PTPRD: variants seen among roughly 807,000 people sequenced by gnomAD.
PTPRD encodes protein tyrosine phosphatase receptor type D, also known as receptor-type tyrosine-protein phosphatase delta.
In PTPRD, 34 loss-of-function variants were observed where a neutral mutation model predicts 214.5. That is an observed-to-expected ratio of 0.16 (90% CI 0.12 to 0.21). The LOEUF (loss-of-function observed/expected upper bound fraction) is 0.21. Ranked by LOEUF, PTPRD falls within the 10% of genes least tolerant of loss-of-function variation. PTPRD has a pLI of 1.00. For synonymous variants in PTPRD, 1,128 were observed against 845.7 expected (o/e 1.33, Z -5.79); for missense variants, 2,545 against 2,398.7 (o/e 1.06, Z -1.27).
At chr9:10,610,216 T>C (rs1396502209) in intron 2 of PTPRD, among the ~76,000 whole-genome samples, 1 of 152,156 alleles carries the variant, frequency 6.6e-6, no homozygotes, top group East Asian at 1.9e-4. Flanking sequence ...TCTGTTATTA[T>C]ATAGAGACAG....
Position 8,317,953 on chromosome 9 carries a change from C to A in PTPRD, c.5671-11G>T. ...AAACTGATATTGATCCTGCAGGAGA[C>A]AATGAATGGGGAGAAGCAAAAGAAG... On this transcript the variant is annotated splice_polypyrimidine_tract_variant and intron_variant, in intron 45 of 45. Coordinates refer to ENST00000381196, the MANE Select transcript of PTPRD (RefSeq NM_002839.4). 1.2e-6 allele frequency: 2 copies of A among 1,610,716 alleles called. No individual in the cohort carries two copies. Among genetic ancestry groups the A allele is most frequent in the Non-Finnish European group, 1.7e-6 (2 of 1,177,778 alleles).
At chr9:9,880,143 G>A (rs1039832706) in intron 5 of PTPRD, among the ~76,000 whole-genome samples, 1 of 152,126 alleles carries the variant, frequency 6.6e-6, no homozygotes, top group Non-Finnish European at 1.5e-5. Context: ...GAACTCACAA[G>A]ATCTGGTTAA....
At chr9:9,747,046 T>C (rs919235502) in intron 6 of PTPRD, among the ~76,000 whole-genome samples, 2 of 152,178 alleles carry the variant, frequency 1.3e-5, no homozygotes, top group East Asian at 1.9e-4. Context: ...AAGGAAACAA[T>C]AGCAGGAAAT....
rs189335336 is a variant in PTPRD, at chr9:10,158,363, C to A, written c.-544-124573G>T. Among the ~76,000 whole-genome samples the A allele has an allele frequency of 5.9e-5, 9 of 152,236 alleles. No individual in the cohort carries two copies. In the East Asian group the frequency reaches 1.7e-3, roughly 29 times the overall value. Reference sequence around the variant, plus strand: ...ATCTGTCAGCTCTTGTATAGTTTTACCATGTTTAATTTTTAAACATTTAAT... The same window carrying A: ...ATCTGTCAGCTCTTGTATAGTTTTAACATGTTTAATTTTTAAACATTTAAT... On this transcript the variant is annotated intron_variant, in intron 3 of 45. Coordinates refer to ENST00000381196, the MANE Select transcript of PTPRD (RefSeq NM_002839.4).
At chr9:10,594,123 AGT>A (rs1437243124) in intron 2 of PTPRD, among the ~76,000 whole-genome samples, 6 of 151,984 alleles carry the variant, frequency 3.9e-5, no homozygotes, top group Non-Finnish European at 7.4e-5. Flanking sequence ...CTTCCAAATA[AGT>A]TATAGCCTGT....
intron 4 of PTPRD, among the ~76,000 whole-genome samples, chr9:10,006,835 C>T (rs1449960481): frequency 2.0e-5 from 3 of 151,880 alleles, no homozygotes; most frequent in South Asian, 4.1e-4. Context: ...TCCATTCTAT[C>T]TACTGGTGTA....
At chr9:9,747,535 TTTTG>T (rs1426029217) in intron 6 of PTPRD, among the ~76,000 whole-genome samples, 3 of 74,874 alleles carry the variant, frequency 4.0e-5, no homozygotes, top group Non-Finnish European at 7.3e-5. Context: ...ACTGAATCTT[TTTTG>T]TTTTTTTTTT....
chr9:10,313,995 G>A (rs556759402), intron 3 of PTPRD, among the ~76,000 whole-genome samples: 7 of 152,070 alleles, frequency 4.6e-5, no homozygotes, highest in Admixed American at 1.3e-4. Flanking sequence ...AAGCTGTGGA[G>A]ATTTAATAAA....
chr9:8,722,885 A>C (rs1296927279), intron 12 of PTPRD, among the ~76,000 whole-genome samples: 2 of 152,240 alleles, frequency 1.3e-5, no homozygotes, highest in Admixed American at 1.3e-4. Flanking sequence ...TGGTGTTGCA[A>C]GTCTATATCG....
chr9:9,576,454 G>A (rs780574326), intron 7 of PTPRD, among the ~76,000 whole-genome samples: 3 of 151,930 alleles, frequency 2.0e-5, no homozygotes, highest in Non-Finnish European at 4.4e-5. Context: ...CAGGAGCAAG[G>A]ATAGAGATGA....
chr9:9,476,716 C>A (rs2095070517), intron 8 of PTPRD, among the ~76,000 whole-genome samples: 1 of 152,024 alleles, frequency 6.6e-6, no homozygotes, highest in Admixed American at 6.6e-5. Context: ...ACCTAATAAA[C>A]AAAGCACTGA....
At chr9:10,213,649 T>G (rs2099527276) in intron 3 of PTPRD, among the ~76,000 whole-genome samples, 1 of 152,130 alleles carries the variant, frequency 6.6e-6, no homozygotes, top group Non-Finnish European at 1.5e-5. Context: ...CTGATTTTCT[T>G]TATTTCATTT....
At chr9:8,830,004 A>C (rs1453118173) in intron 11 of PTPRD, among the ~76,000 whole-genome samples, 2 of 152,234 alleles carry the variant, frequency 1.3e-5, no homozygotes, top group Admixed American at 1.3e-4. Context: ...TAATACCAGT[A>C]AACAAAATTT....
At chr9:8,704,758 C>CAAAAAAAAAAA (rs569357894) in intron 12 of PTPRD, among the ~76,000 whole-genome samples, 4 of 137,878 alleles carry the variant, frequency 2.9e-5, no homozygotes, top group African/African-American at 1.1e-4. Flanking sequence ...ACTAAAAATA[C>CAAAAAAAAAAA]AAAAAAAAAA....
At chr9:8,493,814 G>C (rs997714796) in intron 26 of PTPRD, among the ~76,000 whole-genome samples, 1 of 152,062 alleles carries the variant, frequency 6.6e-6, no homozygotes, top group Non-Finnish European at 1.5e-5. Flanking sequence ...CTCTTAGTCA[G>C]GGCCCAAAGC....
chr9:10,575,734 T>C (rs1270489722), intron 2 of PTPRD, among the ~76,000 whole-genome samples: 1 of 152,062 alleles, frequency 6.6e-6, no homozygotes, highest in African/African-American at 2.4e-5. Context: ...GCTTGATGTA[T>C]TTTCTTTTCT....
At chr9:9,443,857 G>GT (rs879825883) in intron 8 of PTPRD, among the ~76,000 whole-genome samples, 2 of 152,156 alleles carry the variant, frequency 1.3e-5, no homozygotes, top group Non-Finnish European at 2.9e-5. Flanking sequence ...ACAGTGTATT[G>GT]TTACACAGCA....
At chr9:9,459,762 C>T (rs79440165) in intron 8 of PTPRD, among the ~76,000 whole-genome samples, 1 of 151,992 alleles carries the variant, frequency 6.6e-6, no homozygotes, top group Non-Finnish European at 1.5e-5. Flanking sequence ...TAAAATGACC[C>T]TACTTTCTTA....
At chr9:10,202,671 GATATAT>G (rs77962535) in intron 3 of PTPRD, among the ~76,000 whole-genome samples, 1,748 of 113,108 alleles carry the variant, frequency 0.015, 32 homozygotes, top group Non-Finnish European at 0.022. Flanking sequence ...AAATTATATG[GATATAT>G]ATATATATAT....
Sources: allele counts gnomAD v4.1 joint callset (sites outside exome capture counted in the v4.1 genomes callset), GRCh38; gene constraint gnomAD v4.1.1; transcripts MANE v1.5; gene names NCBI Gene and HGNC (gene_info 2026-07-23, HGNC 2026-07-21).